The following GNAL variants were observed in gnomAD, a reference collection of about 807,000 sequenced individuals.
GNAL encodes guanine nucleotide-binding protein G(olf) subunit alpha.
Under a neutral mutation model 55.1 loss-of-function variants are expected in GNAL, and 18 were observed. The observed-to-expected ratio is 0.33, with a 90% CI of 0.23 to 0.48. The LOEUF (loss-of-function observed/expected upper bound fraction) is 0.48, where lower values mean the gene tolerates loss of function less well. GNAL is among the 20% of genes least tolerant of loss of function. The pLI is 0.99. For missense variants in GNAL, 412 were observed against 614.1 expected (o/e 0.67, Z 3.48); for synonymous variants, 253 against 237.0 (o/e 1.07, Z -0.62).
chr18:11,760,921 A>C (rs1251963846), intron 4 of GNAL, among the ~76,000 whole-genome samples: 1 of 152,200 alleles, frequency 6.6e-6, no homozygotes, highest in African/African-American at 2.4e-5. Context: ...GATGATGGCA[A>C]CACCTACTTC....
At position 11,715,519 on chromosome 18, in the gene GNAL, G is replaced by A. The variant is rs535857795; in HGVS notation, c.376+25580G>A. Among the ~76,000 whole-genome samples the A allele has an allele frequency of 1.2e-3, 187 of 151,994 alleles. 1 individual carries two copies. Among genetic ancestry groups the A allele is most frequent in the African/African-American group, 4.4e-3 (182 of 41,442 alleles). ...GAGCACAGGGATTGCTAAGCGGGTT[G>A]CAAGTTTAAATAAAGTGGTCAGGAA... is the stretch of plus-strand genomic sequence containing the variant. On this transcript the variant is annotated intron_variant, in intron 1 of 11. Transcript: ENST00000334049.
chr18:11,851,586 C>T (rs749131244), intron 5 of GNAL: 2 of 1,612,582 alleles, frequency 1.2e-6, no homozygotes, highest in Non-Finnish European at 1.7e-6. Context: ...CCAAAAAATG[C>T]GATAAGGAGG....
At chr18:11,690,280 G>T (rs2031201636) in intron 1 of GNAL, among the ~76,000 whole-genome samples, 1 of 152,096 alleles carries the variant, frequency 6.6e-6, no homozygotes, top group African/African-American at 2.4e-5. Flanking sequence ...AATCCCCGGG[G>T]ATGTCTACCC....
intron 5 of GNAL, among the ~76,000 whole-genome samples, chr18:11,844,121 T>C (rs2035679368): frequency 6.6e-6 from 1 of 151,596 alleles, no homozygotes; most frequent in Non-Finnish European, 1.5e-5. Context: ...TAGACTAGAA[T>C]TGAAGGGATT....
intron 5 of GNAL, among the ~76,000 whole-genome samples, chr18:11,829,957 C>T (rs1215046622): frequency 6.6e-6 from 1 of 152,156 alleles, no homozygotes; most frequent in South Asian, 2.1e-4. Flanking sequence ...TTTCAGTGAG[C>T]TGAAATCCGT....
chr18:11,750,442 C>T (rs991495598), intron 1 of GNAL, among the ~76,000 whole-genome samples: 3 of 151,846 alleles, frequency 2.0e-5, no homozygotes, highest in African/African-American at 7.3e-5. Flanking sequence ...GCAGTCAGCC[C>T]GTCAGGAACG....
intron 5 of GNAL, among the ~76,000 whole-genome samples, chr18:11,844,353 G>T (rs1392284829): frequency 2.0e-5 from 3 of 152,112 alleles, no homozygotes; most frequent in Non-Finnish European, 2.9e-5. Flanking sequence ...AGAATCGCTT[G>T]AACCCGGGAA....
chr18:11,774,968 G>A (rs2033738819), intron 4 of GNAL, among the ~76,000 whole-genome samples: 1 of 152,228 alleles, frequency 6.6e-6, no homozygotes, highest in East Asian at 1.9e-4. Context: ...GGCTCACACA[G>A]CACAGGCCAT....
intron 4 of GNAL, among the ~76,000 whole-genome samples, chr18:11,796,600 A>AAAAAC (rs1210327904): frequency 1.0e-4 from 15 of 149,870 alleles, no homozygotes; most frequent in African/African-American, 3.5e-4. Context: ...AAAAAACAAA[A>AAAAAC]CACGCAACCT....
chr18:11,839,449 A>G (rs1420020659), intron 5 of GNAL, among the ~76,000 whole-genome samples: 11 of 150,414 alleles, frequency 7.3e-5, no homozygotes, highest in African/African-American at 2.4e-4. Context: ...GCTCCTTGAT[A>G]TGGTGAAAGC....
chr18:11,707,637 A>G (rs1182286995), intron 1 of GNAL, among the ~76,000 whole-genome samples: 1 of 152,222 alleles, frequency 6.6e-6, no homozygotes, highest in Non-Finnish European at 1.5e-5. Flanking sequence ...GCACCTAACA[A>G]GAAGTCAGCC....
chr18:11,773,539 G>C (rs1359000516), intron 4 of GNAL, among the ~76,000 whole-genome samples: 1 of 152,174 alleles, frequency 6.6e-6, no homozygotes, highest in Admixed American at 6.5e-5. Flanking sequence ...TCCGAGGTTG[G>C]AGGAACGCTT....
chr18:11,765,434 C>T (rs2033373960), intron 4 of GNAL, among the ~76,000 whole-genome samples: 1 of 152,150 alleles, frequency 6.6e-6, no homozygotes, highest in Non-Finnish European at 1.5e-5. Flanking sequence ...TAATTCCAGT[C>T]CTCTAGGTAT....
chr18:11,762,285 G>A (rs1344937148), intron 4 of GNAL, among the ~76,000 whole-genome samples: 1 of 152,196 alleles, frequency 6.6e-6, no homozygotes, highest in East Asian at 1.9e-4. Flanking sequence ...GGGGCCACAT[G>A]GAGGTCCCGA....
At position 11,752,556 on chromosome 18, in the gene GNAL, T is replaced by C. The variant is rs1237661518; in HGVS notation, c.377-297T>C. 6.2e-7 allele frequency: 1 copy of C among 1,611,008 alleles called. No homozygotes were observed. The highest frequency in any genetic ancestry group is 1.7e-5 in the Admixed American group (1 of 59,692). Reference sequence around the variant, plus strand: ...AGAAAGAGCGCCTGGCTTACAAGGCTACCCACCGCCTGCTGCTCCTGGGTA... The same window carrying C: ...AGAAAGAGCGCCTGGCTTACAAGGCCACCCACCGCCTGCTGCTCCTGGGTA... On this transcript the variant is annotated intron_variant, in intron 1 of 11. Coordinates refer to ENST00000334049, the MANE Select transcript of GNAL (RefSeq NM_182978.4). This position sits in a 1 kb window ranked among gnomAD's most constrained non-coding sequence, Gnocchi z 4.5.
chr18:11,826,206 G>A (rs966820302), intron 5 of GNAL, among the ~76,000 whole-genome samples: 2 of 151,956 alleles, frequency 1.3e-5, no homozygotes, highest in African/African-American at 4.8e-5. Context: ...AGCCCAGAGA[G>A]CCAGGCTCCA....
At chr18:11,729,098 G>A (rs189863075) in intron 1 of GNAL, among the ~76,000 whole-genome samples, 113 of 152,124 alleles carry the variant, frequency 7.4e-4, no homozygotes, top group Admixed American at 3.4e-3. Context: ...GTATTTGGCC[G>A]CAAACGAGAT....
At chr18:11,852,619 T>G (rs905002176) in intron 5 of GNAL, 92 of 167,784 alleles carry the variant, frequency 5.5e-4, no homozygotes, top group Non-Finnish European at 7.7e-4. Flanking sequence ...TTTTGTTTTT[T>G]TTTTTTTTGC....
intron 4 of GNAL, among the ~76,000 whole-genome samples, chr18:11,763,738 G>A (rs572745065): frequency 3.9e-5 from 6 of 152,110 alleles, no homozygotes; most frequent in Admixed American, 1.3e-4. Flanking sequence ...TGAAATAATA[G>A]CAGTAACAAT....
Sources: allele counts gnomAD v4.1 joint callset (sites outside exome capture counted in the v4.1 genomes callset), GRCh38; gene constraint gnomAD v4.1.1; non-coding constraint Gnocchi (gnomAD v3.1); transcripts MANE v1.5; gene names NCBI Gene and HGNC (gene_info 2026-07-23, HGNC 2026-07-21).